PRSS38: variants seen among roughly 807,000 people sequenced by gnomAD.
PRSS38 encodes marapsin 2.
Under a neutral mutation model 26.8 loss-of-function variants are expected in PRSS38, and 22 were observed. That is an observed-to-expected ratio of 0.82 (90% CI 0.59 to 1.17). PRSS38 has a LOEUF of 1.17. Ranked by LOEUF, PRSS38 falls within the 50% of genes most tolerant of loss-of-function variation. The probability of loss-of-function intolerance (pLI) is 0.00; values close to 1 mark genes in which losing one functional copy is unlikely to be tolerated. For synonymous variants in PRSS38, 175 were observed against 172.1 expected (o/e 1.02, Z -0.13); for missense variants, 427 against 422.7 (o/e 1.01, Z -0.09).
At chr1:227,823,590 C>T (rs920257418) in intron 3 of PRSS38, among the ~76,000 whole-genome samples, 1 of 152,090 alleles carries the variant, frequency 6.6e-6, no homozygotes, top group African/African-American at 2.4e-5. Context: ...TGGCTTGGTG[C>T]CATCTTTGCA....
At chr1:227,836,851 C>T (rs1558236709) in intron 3 of PRSS38, among the ~76,000 whole-genome samples, 1 of 152,102 alleles carries the variant, frequency 6.6e-6, no homozygotes, top group Non-Finnish European at 1.5e-5. Context: ...ATTATGTTAA[C>T]ATATTCTTTT....
Position 227,816,123 on chromosome 1 carries a change from T to C in PRSS38, c.182T>C (p.Leu61Pro), listed in dbSNP as rs147160702. The C allele has an allele frequency of 3.5e-5, 57 of 1,613,468 alleles. No individual in the cohort carries two copies. The highest frequency in any genetic ancestry group is 4.4e-5 in the Non-Finnish European group (52 of 1,179,872). Reference sequence around the variant, plus strand: ...CGGCCCAGCATGGAGGGGAAAATCCTGGGCGGCGTCCCTGCGCCCGAGAGG... The same window carrying C: ...CGGCCCAGCATGGAGGGGAAAATCCCGGGCGGCGTCCCTGCGCCCGAGAGG... Residue 61 changes from leucine to proline, a missense_variant, in exon 2 of 5, where the codon CTG becomes CCG. By Grantham distance (98) the Leu-to-Pro change is moderately conservative. Coordinates refer to ENST00000366757, the Ensembl canonical transcript of PRSS38. The surrounding 1 kb of genome is among the most constrained non-coding windows in gnomAD (Gnocchi z 5.1).
intron 3 of PRSS38, among the ~76,000 whole-genome samples, chr1:227,830,025 A>T (rs1337977190): frequency 1.3e-5 from 2 of 152,262 alleles, no homozygotes; most frequent in South Asian, 4.2e-4. Context: ...AGGAGTAAGA[A>T]ATGCTTTTTC....
exon 1 of PRSS38, chr1:227,815,845 C>A: frequency 6.2e-7 from 1 of 1,610,308 alleles, no homozygotes; most frequent in Non-Finnish European, 8.5e-7. Flanking sequence ...ACCAGGGAAT[C>A]TCCCTAACTG....
chr1:227,837,295 C>T (rs1397952017), intron 3 of PRSS38, among the ~76,000 whole-genome samples: 2 of 152,232 alleles, frequency 1.3e-5, no homozygotes, highest in Non-Finnish European at 2.9e-5. Context: ...TGAATTTTGT[C>T]ATCATTTAGT....
intron 3 of PRSS38, among the ~76,000 whole-genome samples, chr1:227,826,991 C>T (rs376844008): frequency 6.6e-6 from 1 of 152,114 alleles, no homozygotes; most frequent in African/African-American, 2.4e-5. Context: ...TATTGACTTG[C>T]GTATGTCGAA....
chr1:227,816,147 G>A lies in PRSS38; in HGVS notation c.206G>A (p.Arg69Lys), dbSNP rs771165571. ...CTGGGCGGCGTCCCTGCGCCCGAGA[G>A]GAAGTGGCCGTGGCAGGTCAGCGTG... The change falls in exon 2 of 5, where the codon AGG (arginine) becomes AAG (lysine). Residue 69 changes from arginine to lysine, a missense_variant. Physicochemically the swap from Arg to Lys is conservative, Grantham distance 26. Coordinates refer to ENST00000366757, the Ensembl canonical transcript of PRSS38. The surrounding 1 kb of genome is among the most constrained non-coding windows in gnomAD (Gnocchi z 5.1). The A allele has an allele frequency of 6.2e-7, 1 of 1,613,814 alleles. No individual in the cohort carries two copies.
intron 3 of PRSS38, 61 bp from the exon 4 acceptor site, chr1:227,845,409 G>T: frequency 7.9e-7 from 1 of 1,261,954 alleles, no homozygotes. Flanking sequence ...CTGTGGGGCA[G>T]GGATCCCCCC....
intron 3 of PRSS38, among the ~76,000 whole-genome samples, chr1:227,819,026 G>T (rs1036830048): frequency 6.6e-6 from 1 of 152,090 alleles, no homozygotes; most frequent in Non-Finnish European, 1.5e-5. Flanking sequence ...TTTTATTCCA[G>T]ATTTTGAATA....
chr1:227,844,878 GGGGCT>G (rs1665396698), intron 3 of PRSS38, among the ~76,000 whole-genome samples: 2 of 146,832 alleles, frequency 1.4e-5, no homozygotes, highest in South Asian at 2.2e-4. Context: ...TATGTGGGGT[GGGGCT>G]CCTCCCTATG....
intron 3 of PRSS38, among the ~76,000 whole-genome samples, chr1:227,840,648 C>T (rs1041887037): frequency 3.9e-5 from 6 of 152,240 alleles, no homozygotes; most frequent in Non-Finnish European, 7.4e-5. Flanking sequence ...TACTCTTTGG[C>T]CCTTTACAGA....
chr1:227,817,349 T>C, exon 3 of PRSS38: 1 of 1,614,216 alleles, frequency 6.2e-7, no homozygotes, highest in Non-Finnish European at 8.5e-7. Context: ...GGAGGTGACG[T>C]GGCCCTGGTG....
At chr1:227,833,436 A>G (rs1483435172) in intron 3 of PRSS38, among the ~76,000 whole-genome samples, 2 of 152,086 alleles carry the variant, frequency 1.3e-5, no homozygotes, top group African/African-American at 2.4e-5. Context: ...TTGAGGCGGG[A>G]GAATCACTTG....
Position 227,816,566 on chromosome 1 carries a change from TTGGTCCTCAAATGCACAGCC to T in PRSS38, c.311+321_311+340del, listed in dbSNP as rs1448860461. Among the ~76,000 whole-genome samples the T allele has an allele frequency of 6.7e-6, 1 of 150,204 alleles. No homozygotes were observed. Among genetic ancestry groups the T allele is most frequent in the Admixed American group, 6.6e-5 (1 of 15,124 alleles). On this transcript the variant is annotated intron_variant, in intron 2 of 4. Coordinates refer to ENST00000366757, the Ensembl canonical transcript of PRSS38. The surrounding 1 kb of genome is among the most constrained non-coding windows in gnomAD (Gnocchi z 5.1). ...TACAGTTAGGTTCCCATGAGCTAGG[TTGGTCCTCAAATGCACAGCC>T]TGGTCCCCATGTGCAAGGCTGGTCC...
chr1:227,834,798 C>T (rs888770248), intron 3 of PRSS38, among the ~76,000 whole-genome samples: 3 of 152,066 alleles, frequency 2.0e-5, no homozygotes, highest in Non-Finnish European at 4.4e-5. Context: ...CCACTGCACT[C>T]CAGCCTAGGT....
chr1:227,844,424 C>G (rs1356278099), intron 3 of PRSS38, among the ~76,000 whole-genome samples: 1 of 151,988 alleles, frequency 6.6e-6, no homozygotes, highest in Non-Finnish European at 1.5e-5. Context: ...CAGGGTTCCT[C>G]TCTATGTGCG....
chr1:227,831,904 A>G (rs1232734167), intron 3 of PRSS38, among the ~76,000 whole-genome samples: 1 of 152,194 alleles, frequency 6.6e-6, no homozygotes. Context: ...GTAGAGTACT[A>G]AAATCTCTAT....
At chr1:227,825,174 A>C (rs1442340476) in intron 3 of PRSS38, among the ~76,000 whole-genome samples, 2 of 151,698 alleles carry the variant, frequency 1.3e-5, no homozygotes, top group Non-Finnish European at 2.9e-5. Context: ...TATTGCCTAG[A>C]TTTTCTTCTA....
Position 227,816,220 on chromosome 1 carries a change from C to T in PRSS38, c.279C>T (p.Tyr93=). 6.2e-7 allele frequency: 1 copy of T among 1,613,488 alleles called. No individual in the cohort carries two copies. The highest frequency in any genetic ancestry group is 8.5e-7 in the Non-Finnish European group (1 of 1,179,650). ...GCGGCGGCTCCATCCTCAATGAGTA[C>T]TGGGTGCTGTCAGCTGCGCACTGCT... The change falls in exon 2 of 5, where the codon TAC becomes TAT. Residue 93 remains tyrosine, a synonymous_variant. Transcript: ENST00000366757. This position sits in a 1 kb window ranked among gnomAD's most constrained non-coding sequence, Gnocchi z 5.1.
Sources: gnomAD v4.1 joint callset for allele counts (sites outside exome capture counted in the v4.1 genomes callset) on GRCh38, gnomAD v4.1.1 for gene constraint, Gnocchi (gnomAD v3.1) non-coding constraint, MANE v1.5 for transcripts, NCBI Gene and HGNC (gene_info 2026-07-23, HGNC 2026-07-21) for gene names.